The following VAV3 variants were observed in gnomAD, a reference collection of about 807,000 sequenced individuals.
VAV3 encodes the protein vav guanine nucleotide exchange factor 3.
Under a neutral mutation model 131.2 loss-of-function variants are expected in VAV3, and 94 were observed. That is an observed-to-expected ratio of 0.72 (90% CI 0.61 to 0.85). VAV3 has a LOEUF of 0.85. VAV3 is among the 40% of genes least tolerant of loss of function. The pLI, the probability that VAV3 is intolerant of heterozygous loss-of-function variation, is 0.00. For synonymous variants in VAV3, 349 were observed against 342.0 expected (o/e 1.02, Z -0.22); for missense variants, 939 against 1,002.7 (o/e 0.94, Z 0.86).
chr1:107,814,866 C>T (rs1667499131), intron 2 of VAV3, among the ~76,000 whole-genome samples: 1 of 152,096 alleles, frequency 6.6e-6, no homozygotes, highest in Non-Finnish European at 1.5e-5. Flanking sequence ...TGAGAAACTC[C>T]AATTTCAACA....
At chr1:107,721,235 G>A (rs868539190) in intron 15 of VAV3, among the ~76,000 whole-genome samples, 19 of 152,246 alleles carry the variant, frequency 1.2e-4, no homozygotes, top group Middle Eastern at 6.8e-3. Context: ...GAAAGTGAGG[G>A]GAGCATATGT....
At chr1:107,575,950 G>C (rs1649614620) in intron 25 of VAV3, among the ~76,000 whole-genome samples, 1 of 152,152 alleles carries the variant, frequency 6.6e-6, no homozygotes, top group African/African-American at 2.4e-5. Context: ...ATGGGCGCCA[G>C]TCATCTTTTC....
intron 22 of VAV3, among the ~76,000 whole-genome samples, chr1:107,607,117 G>A (rs1449559993): frequency 6.6e-6 from 1 of 151,820 alleles, no homozygotes; most frequent in Non-Finnish European, 1.5e-5. Context: ...ACCACGCCCA[G>A]CTAATTTTTT....
At chr1:107,627,841 C>G (rs1442152623) in intron 20 of VAV3, among the ~76,000 whole-genome samples, 2 of 152,066 alleles carry the variant, frequency 1.3e-5, no homozygotes, top group African/African-American at 4.8e-5. Context: ...ATAAACAATT[C>G]CTTTTAAAAC....
At chr1:107,920,736 G>T (rs547077256) in intron 1 of VAV3, among the ~76,000 whole-genome samples, 106 of 152,216 alleles carry the variant, frequency 7.0e-4, no homozygotes, top group African/African-American at 2.3e-3. Context: ...CAGTGACAGG[G>T]GATCCTCCCC....
chr1:107,906,287 G>C (rs1055443390), intron 1 of VAV3, among the ~76,000 whole-genome samples: 3 of 151,852 alleles, frequency 2.0e-5, no homozygotes, highest in African/African-American at 7.3e-5. Context: ...TTAAGAGAGA[G>C]GGTTTCATTC....
chr1:107,785,565 C>A, intron 2 of VAV3: 1 of 1,220,430 alleles, frequency 8.2e-7, no homozygotes, highest in African/African-American at 1.6e-5. Context: ...ACCCCTACAA[C>A]ATTAGGTTGC....
chr1:107,618,501 G>C (rs1028213467), intron 20 of VAV3, among the ~76,000 whole-genome samples: 2 of 152,136 alleles, frequency 1.3e-5, no homozygotes, highest in Non-Finnish European at 2.9e-5. Flanking sequence ...TTGGAGAATA[G>C]GACTCTATTA....
intron 1 of VAV3, among the ~76,000 whole-genome samples, chr1:107,920,288 G>A (rs2101150804): frequency 6.6e-6 from 1 of 152,306 alleles, no homozygotes; most frequent in South Asian, 2.1e-4. Flanking sequence ...CTTAATAGTT[G>A]AAAAGCTAGA....
chr1:107,749,667 A>G, intron 13 of VAV3, 73 bp from the exon 14 acceptor site: 1 of 1,527,684 alleles, frequency 6.5e-7, no homozygotes, highest in Non-Finnish European at 8.8e-7. Flanking sequence ...TTGGGTATAA[A>G]GCAACCAAAT....
chr1:107,854,912 T>C (rs1171106410), intron 2 of VAV3, among the ~76,000 whole-genome samples: 2 of 152,256 alleles, frequency 1.3e-5, no homozygotes, highest in Non-Finnish European at 2.9e-5. Context: ...ACAATGGTGT[T>C]CCTGCTTAGC....
At chr1:107,959,425 C>A (rs1405167734) in intron 1 of VAV3, among the ~76,000 whole-genome samples, 1 of 152,096 alleles carries the variant, frequency 6.6e-6, no homozygotes, top group Non-Finnish European at 1.5e-5. Flanking sequence ...TGTTTGCCCA[C>A]CACATCACCA....
intron 17 of VAV3, 148 bp from the exon 18 acceptor site, chr1:107,688,554 G>T: frequency 6.6e-7 from 1 of 1,510,022 alleles, no homozygotes; most frequent in Non-Finnish European, 8.8e-7. Context: ...CTCAGGCTGG[G>T]CTAGTAATTA....
chr1:107,867,356 G>A (rs1005486295), intron 2 of VAV3, among the ~76,000 whole-genome samples: 8 of 152,122 alleles, frequency 5.3e-5, no homozygotes, highest in African/African-American at 1.2e-4. Flanking sequence ...TGCATGGCTC[G>A]GGTACTAAAG....
intron 2 of VAV3, among the ~76,000 whole-genome samples, chr1:107,809,099 T>C (rs1012931930): frequency 1.3e-5 from 2 of 152,178 alleles, no homozygotes; most frequent in Non-Finnish European, 1.5e-5. Flanking sequence ...TTAAGAAGTA[T>C]TGTGAGATGC....
chr1:107,952,862 T>A (rs920694078), intron 1 of VAV3, among the ~76,000 whole-genome samples: 4 of 152,044 alleles, frequency 2.6e-5, no homozygotes, highest in Non-Finnish European at 5.9e-5. Flanking sequence ...CAAATTTCCA[T>A]GAAAACAGAA....
chr1:107,908,245 T>C (rs1571125245), intron 1 of VAV3, among the ~76,000 whole-genome samples: 1 of 152,270 alleles, frequency 6.6e-6, no homozygotes, highest in East Asian at 1.9e-4. Flanking sequence ...CAGTGGCTGG[T>C]AGAAGTGGGG....
At chr1:107,794,456 T>C (rs1045752334) in intron 2 of VAV3, among the ~76,000 whole-genome samples, 5 of 152,276 alleles carry the variant, frequency 3.3e-5, no homozygotes, top group African/African-American at 1.2e-4. Context: ...TAATCAGCTT[T>C]AAAAAATTCT....
At chr1:107,582,015 A>G (rs1650088556) in intron 25 of VAV3, among the ~76,000 whole-genome samples, 1 of 152,204 alleles carries the variant, frequency 6.6e-6, no homozygotes, top group Non-Finnish European at 1.5e-5. Context: ...TAACAAGCAC[A>G]TGTGTTCTCA....
Sources: gnomAD v4.1 joint callset for allele counts (sites outside exome capture counted in the v4.1 genomes callset) on GRCh38, gnomAD v4.1.1 for gene constraint, MANE v1.5 for transcripts, NCBI Gene and HGNC (gene_info 2026-07-23, HGNC 2026-07-21) for gene names.